The following SYT14 variants were observed in gnomAD, a reference collection of about 807,000 sequenced individuals.
SYT14 encodes the protein synaptotagmin-14.
In SYT14, 32 loss-of-function variants were observed where a neutral mutation model predicts 74.2. That is an observed-to-expected ratio of 0.43 (90% CI 0.33 to 0.58). SYT14 has a LOEUF of 0.58. Among genes scored for constraint, SYT14 ranks in the 20% least tolerant of loss-of-function variants. The pLI is 0.05. For missense variants in SYT14, 791 were observed against 981.8 expected, an observed-to-expected ratio of 0.81 and a Z score of 2.60; for synonymous variants, 298 against 337.7, an observed-to-expected ratio of 0.88 and a Z score of 1.29.
intron 2 of SYT14, among the ~76,000 whole-genome samples, chr1:209,981,423 C>CTTTCTT (rs201615251): frequency 8.0e-6 from 1 of 125,688 alleles, no homozygotes; most frequent in Non-Finnish European, 1.8e-5. Flanking sequence ...AATTTCTTTT[C>CTTTCTT]TTTCTTTTTC....
chr1:210,110,801 A>AT (rs1193204261), intron 7 of SYT14, among the ~76,000 whole-genome samples: 2 of 152,142 alleles, frequency 1.3e-5, no homozygotes, highest in Non-Finnish European at 2.9e-5. Context: ...CTGGAGTGCA[A>AT]TGGCGCGATC....
At chr1:210,037,748 G>T (rs1236197231) in intron 5 of SYT14, among the ~76,000 whole-genome samples, 1 of 151,854 alleles carries the variant, frequency 6.6e-6, no homozygotes, top group East Asian at 1.9e-4. Flanking sequence ...ATAGTTTTGA[G>T]CATTCCTCAT....
At chr1:210,060,122 A>G (rs558061061) in intron 5 of SYT14, among the ~76,000 whole-genome samples, 3 of 152,308 alleles carry the variant, frequency 2.0e-5, no homozygotes, top group South Asian at 4.1e-4. Context: ...GTTAGAGCCA[A>G]TGGGTATGGT....
intron 6 of SYT14, 115 bp downstream of exon 5, chr1:210,094,708 A>G: frequency 3.3e-6 from 4 of 1,209,582 alleles, no homozygotes; most frequent in Non-Finnish European, 4.8e-6. Context: ...TGTAACTTAT[A>G]GTACCAGTAT....
chr1:210,024,246 ATTAAT>A, intron 5 of SYT14, among the ~76,000 whole-genome samples: 1 of 152,214 alleles, frequency 6.6e-6, no homozygotes, highest in Non-Finnish European at 1.5e-5. Context: ...CTTTAGAAAG[ATTAAT>A]TTAGCAGCAA....
At chr1:209,955,268 C>T (rs1475274172) in intron 2 of SYT14, among the ~76,000 whole-genome samples, 2 of 152,144 alleles carry the variant, frequency 1.3e-5, no homozygotes, top group East Asian at 3.9e-4. Context: ...ATGTCTGTTA[C>T]AATAACAACT....
chr1:209,952,599 G>A, intron 1 of SYT14, 110 bp from the exon 2 acceptor site: 1 of 888,208 alleles, frequency 1.1e-6, no homozygotes, highest in Non-Finnish European at 1.8e-6. Context: ...AAGAGTTAGG[G>A]AAACTTTTTT....
chr1:210,109,188 C>T (rs1246318413), intron 7 of SYT14, among the ~76,000 whole-genome samples: 1 of 152,008 alleles, frequency 6.6e-6, no homozygotes, highest in African/African-American at 2.4e-5. Flanking sequence ...GGCCAACAAA[C>T]GTATGAAAAA....
intron 7 of SYT14, among the ~76,000 whole-genome samples, chr1:210,135,820 G>A (rs2082774113): frequency 6.6e-6 from 1 of 151,996 alleles, no homozygotes; most frequent in African/African-American, 2.4e-5. Flanking sequence ...TTTATTCTAG[G>A]GCTAATTTGA....
chr1:209,972,530 A>G (rs2079274571), intron 2 of SYT14, among the ~76,000 whole-genome samples: 1 of 151,888 alleles, frequency 6.6e-6, no homozygotes, highest in Non-Finnish European at 1.5e-5. Context: ...CATCCCAAAG[A>G]TTTTTGTATG....
intron 2 of SYT14, among the ~76,000 whole-genome samples, chr1:209,986,816 G>A (rs2079578821): frequency 6.6e-6 from 1 of 151,966 alleles, no homozygotes; most frequent in Non-Finnish European, 1.5e-5. Flanking sequence ...TAGAGACAGA[G>A]TTTCACCATA....
rs549045828 is a variant in SYT14, at chr1:210,146,755, G to A, written c.2035-8966G>A. On this transcript the variant is annotated intron_variant, in intron 7 of 9. Transcript: ENST00000637265. The stretch of plus-strand genomic sequence containing the variant: ...AGTATATGTATACTACATACTATAT[G>A]TTATATATACTACATATATACTACA... 2.0e-3 allele frequency among the ~76,000 whole-genome samples: 298 copies of A among 150,452 alleles called. 1 individual carries two copies. The highest frequency in any genetic ancestry group is 7.1e-3 in the African/African-American group (290 of 40,898).
Position 210,147,296 on chromosome 1 carries a change from G to A in SYT14, c.2035-8425G>A, listed in dbSNP as rs12129125. ...AAATATGAAAAAGTTTTGGAGAGTGGAATAAGAATGTTAAGCATATTTTCC... is the reference window on the plus strand; with the variant it reads ...AAATATGAAAAAGTTTTGGAGAGTGAAATAAGAATGTTAAGCATATTTTCC... On this transcript the variant is annotated intron_variant, in intron 7 of 9. Transcript: ENST00000637265. 9.2e-3 allele frequency among the ~76,000 whole-genome samples: 1,402 copies of A among 152,208 alleles called. 10 individuals are homozygous for A. Among genetic ancestry groups the A allele is most frequent in the Non-Finnish European group, 0.017 (1,158 of 68,014 alleles).
chr1:210,158,645 G>A (rs1364537490), intron 8 of SYT14, among the ~76,000 whole-genome samples: 7 of 152,152 alleles, frequency 4.6e-5, no homozygotes, highest in Admixed American at 1.3e-4. Flanking sequence ...GCAACACAGA[G>A]TCGATGTTTC....
At chr1:210,032,857 G>A (rs1027556061) in intron 5 of SYT14, among the ~76,000 whole-genome samples, 17 of 146,034 alleles carry the variant, frequency 1.2e-4, no homozygotes, top group African/African-American at 4.1e-4. Context: ...TGATAGAAGC[G>A]TACCTATACG....
chr1:210,127,081 C>G (rs1289305017), intron 7 of SYT14, among the ~76,000 whole-genome samples: 1 of 152,056 alleles, frequency 6.6e-6, no homozygotes, highest in Non-Finnish European at 1.5e-5. Flanking sequence ...TAGTCCCTAC[C>G]TAATGAATGT....
At chr1:210,013,101 T>TA (rs1437672901) in intron 2 of SYT14, among the ~76,000 whole-genome samples, 2 of 151,648 alleles carry the variant, frequency 1.3e-5, no homozygotes, top group East Asian at 1.9e-4. Context: ...TTTTTTTTTT[T>TA]AGACAGTTTT....
intron 7 of SYT14, among the ~76,000 whole-genome samples, chr1:210,132,143 A>G (rs1286995652): frequency 1.4e-5 from 2 of 146,984 alleles, no homozygotes; most frequent in African/African-American, 2.5e-5. Context: ...CCTCAATGAA[A>G]TGTCTTCTTT....
At chr1:210,094,007 G>A (rs538323053) in intron 5 of SYT14, among the ~76,000 whole-genome samples, 4 of 144,414 alleles carry the variant, frequency 2.8e-5, no homozygotes, top group African/African-American at 5.3e-5. Context: ...TGTATACATC[G>A]GGATTGTTTT....
Sources: gnomAD v4.1 joint callset for allele counts (sites outside exome capture counted in the v4.1 genomes callset) on GRCh38, gnomAD v4.1.1 for gene constraint, MANE v1.5 for transcripts, NCBI Gene and HGNC (gene_info 2026-07-23, HGNC 2026-07-21) for gene names.